CIITA: variants seen among roughly 807,000 people sequenced by gnomAD.
CIITA encodes the protein class II major histocompatibility complex transactivator, also known as MHC class II transactivator.
Under a neutral mutation model 115.1 loss-of-function variants are expected in CIITA, and 72 were observed. The observed-to-expected ratio is 0.63, with a 90% CI of 0.52 to 0.76. CIITA has a LOEUF of 0.76. CIITA is among the 30% of genes least tolerant of loss of function. The probability of loss-of-function intolerance (pLI) is 0.00; values close to 1 mark genes in which losing one functional copy is unlikely to be tolerated. For synonymous variants in CIITA, 763 were observed against 635.6 expected, an observed-to-expected ratio of 1.20 and a Z score of -3.02; for missense variants, 1,617 against 1,463.8, an observed-to-expected ratio of 1.10 and a Z score of -1.71.
At position 10,920,208 on chromosome 16, in the gene CIITA, C is replaced by T. The variant is rs529243307; in HGVS notation, c.3149+1682C>T. On this transcript the variant is annotated intron_variant, in intron 16 of 19. Transcript: ENST00000324288. This position sits in a 1 kb window ranked among gnomAD's most constrained non-coding sequence, Gnocchi z 4.5. ...AGTGTGAATGGAAAAGTAGGTGGGCCTGGGAAGGCGACACTTGATCTGATT... is the reference window on the plus strand; with the variant it reads ...AGTGTGAATGGAAAAGTAGGTGGGCTTGGGAAGGCGACACTTGATCTGATT... Among the ~76,000 whole-genome samples, 69 of 152,142 alleles carry T rather than the reference C, an allele frequency of 4.5e-4. No homozygotes were observed. Among genetic ancestry groups the T allele is most frequent in the Non-Finnish European group, 9.1e-4 (62 of 68,016 alleles).
chr16:10,908,467 C>T (rs373487859), intron 11 of CIITA: 49 of 480,486 alleles, frequency 1.0e-4, no homozygotes, highest in East Asian at 7.8e-4. Flanking sequence ...CCTGAGCACG[C>T]CACCGTTTTC....
chr16:10,866,691 C>T, intron 1 of CIITA: 1 of 382,738 alleles, frequency 2.6e-6, no homozygotes, highest in South Asian at 2.0e-5. Context: ...ATCCAAGTGT[C>T]TAGTGAGCTG....
chr16:10,886,308 C>G (rs1399091282), intron 1 of CIITA, among the ~76,000 whole-genome samples: 2 of 152,130 alleles, frequency 1.3e-5, no homozygotes, highest in African/African-American at 2.4e-5. Context: ...TGCATTTGAT[C>G]TTTGCTTCTA....
At chr16:10,897,535 C>G (rs747892376) in intron 3 of CIITA, among the ~76,000 whole-genome samples, 1 of 152,210 alleles carries the variant, frequency 6.6e-6, no homozygotes, top group Non-Finnish European at 1.5e-5. Flanking sequence ...CAGCTTCACC[C>G]AAGTCTGCTC....
chr16:10,866,436 T>C, intron 1 of CIITA: 1 of 565,776 alleles, frequency 1.8e-6, no homozygotes, highest in Non-Finnish European at 3.5e-6. Context: ...ATGAGCCTGA[T>C]AGTGAGGCTC....
chr16:10,875,682 C>G (rs758951720), upstream of CIITA, among the ~76,000 whole-genome samples: 3 of 151,642 alleles, frequency 2.0e-5, no homozygotes, highest in African/African-American at 4.8e-5. Context: ...TTTTCTTTTT[C>G]TTTAGGAGAG....
intron 1 of CIITA, among the ~76,000 whole-genome samples, chr16:10,890,592 T>C (rs943134171): frequency 9.2e-5 from 14 of 152,202 alleles, no homozygotes; most frequent in African/African-American, 3.4e-4. Context: ...GCCCGGCCTA[T>C]GGGGCCCTTC....
rs1429664949 is a variant in CIITA at position 10,907,412 on chromosome 16, C to T, written c.1920C>T (p.Leu640=). The change falls in exon 11 of 20, where the codon CTC becomes CTT. Residue 640 remains leucine, a synonymous_variant. Transcript: ENST00000324288. This position sits in a 1 kb window ranked among gnomAD's most constrained non-coding sequence, Gnocchi z 5.0. ...AGCTGCCCTCCACGCTCACGGGACT[C>T]TATGTCGGCCTGCTGGGCCGTGCAG... The part of the protein sequence containing the change: ...DAKLPSTLTG[L]YVGLLGRAAL... 7 of 1,613,078 alleles carry T rather than the reference C, an allele frequency of 4.3e-6. No individual in the cohort carries two copies. The Admixed American group carries it at 1.0e-4, about 23-fold the overall frequency.
In CIITA at chr16:10,910,186, A is replaced by G. The variant is rs1395667835; in HGVS notation, c.2817-2A>G. 1.2e-6 allele frequency: 2 copies of G among 1,613,860 alleles called. No homozygotes were observed. Among genetic ancestry groups the G allele is most frequent in the African/African-American group, 1.3e-5 (1 of 75,048 alleles). On this transcript the variant is annotated splice_acceptor_variant, in intron 12 of 19. Coordinates refer to ENST00000324288, the MANE Select transcript of CIITA (RefSeq NM_000246.4). LOFTEE classifies it high-confidence loss of function. ...CCCCCTAACATTGCCTGTTCTCTCCAGGACGAGAAGTTCCTCGGAAGACAC... is the reference window on the plus strand; with the variant it reads ...CCCCCTAACATTGCCTGTTCTCTCCGGGACGAGAAGTTCCTCGGAAGACAC...
chr16:10,889,874 G>A (rs1193054963), intron 1 of CIITA, among the ~76,000 whole-genome samples: 1 of 152,226 alleles, frequency 6.6e-6, no homozygotes, highest in East Asian at 1.9e-4. Flanking sequence ...AGGCATCACA[G>A]CCAGAATTCA....
Position 10,879,652 on chromosome 16 carries a change from C to T in CIITA, c.52+2270C>T, listed in dbSNP as rs1157045438. Among the ~76,000 whole-genome samples the T allele has an allele frequency of 6.6e-6, 1 of 152,134 alleles. No homozygotes were observed. Among genetic ancestry groups the T allele is most frequent in the Non-Finnish European group, 1.5e-5 (1 of 68,006 alleles). ...TTGGGAGGGGTGGGGGAGGGATCCC[C>T]CCGGACTGAACCGATCTCTTGATCT... On this transcript the variant is annotated intron_variant, in intron 1 of 19. Coordinates refer to ENST00000324288, the MANE Select transcript of CIITA (RefSeq NM_000246.4). The surrounding 1 kb of genome is among the most constrained non-coding windows in gnomAD (Gnocchi z 4.3).
chr16:10,872,297 AT>A (rs954405643), upstream of CIITA, among the ~76,000 whole-genome samples: 1 of 151,822 alleles, frequency 6.6e-6, no homozygotes. Context: ...TAATTTTTAT[AT>A]TTTTAGTAGA....
rs1409298129 is a variant in CIITA at position 10,895,601 on chromosome 16, C to G, written c.200-68C>G. ...ATGATCTCCCAGCCCTGCCCCGCCT[C>G]TCCCTCGTTCCCCACCAGCCCTCTT... On this transcript the variant is annotated intron_variant, in intron 2 of 19. Coordinates refer to ENST00000324288, the MANE Select transcript of CIITA (RefSeq NM_000246.4). 3 of 1,597,134 alleles carry G rather than the reference C, an allele frequency of 1.9e-6. No individual in the cohort carries two copies. The African/African-American group carries it at 4.0e-5, about 21-fold the overall frequency.
Position 10,923,675 on chromosome 16 carries a change from A to G in CIITA, c.*23-203A>G, listed in dbSNP as rs1020135530. 6.6e-6 allele frequency among the ~76,000 whole-genome samples: 1 copy of G among 152,180 alleles called. No individual in the cohort carries two copies. Among genetic ancestry groups the G allele is most frequent in the Non-Finnish European group, 1.5e-5 (1 of 67,992 alleles). Reference sequence around the variant, plus strand: ...CCCTGATGCTCCGGGTTTGTCTCAGATGAACTTGCTTGACAAGTCTCCTGC... The same window carrying G: ...CCCTGATGCTCCGGGTTTGTCTCAGGTGAACTTGCTTGACAAGTCTCCTGC... On this transcript the variant is annotated intron_variant, in intron 19 of 19. Transcript: ENST00000324288. The surrounding 1 kb of genome is among the most constrained non-coding windows in gnomAD (Gnocchi z 5.2).
In CIITA at chr16:10,906,704, C is replaced by G; in HGVS notation, c.1212C>G (p.Ala404=). Residue 404 remains alanine (A), a synonymous_variant, in exon 11 of 20, where the codon GCC becomes GCG. Transcript: ENST00000324288. Reference sequence around the variant, plus strand: ...GCCTGGCTGAGGTGCTGTTGGCTGCCAAGGAGCACCGGCGGCCGCGTGAGA... The same window carrying G: ...GCCTGGCTGAGGTGCTGTTGGCTGCGAAGGAGCACCGGCGGCCGCGTGAGA... ...QGGLAEVLLA[A]KEHRRPRETR... The G allele has an allele frequency of 6.2e-7, 1 of 1,612,428 alleles. No individual in the cohort carries two copies. Among genetic ancestry groups the G allele is most frequent in the Non-Finnish European group, 8.5e-7 (1 of 1,179,936 alleles).
At position 10,933,398 on chromosome 16, in the gene CIITA, T is replaced by G. The variant is rs1567463974; in HGVS notation, c.*9543T>G. On this transcript the variant is annotated 3_prime_UTR_variant, in exon 20 of 20. Coordinates refer to ENST00000324288, the MANE Select transcript of CIITA (RefSeq NM_000246.4). ...AAAGTGGTAGAAGGGAATTCTTTCC[T>G]AGAGTTCAGCTGCCCGCTGTCCTGC... 2 of 152,290 alleles carry G rather than the reference T, an allele frequency of 1.3e-5. No individual in the cohort carries two copies. 9.4% of individuals were successfully genotyped at this position (152,290 alleles called of 1,614,324 possible). A position where few individuals can be genotyped will look rare whatever the true frequency, so the allele number is the denominator to read the frequency against.
rs2040975051 is a variant in CIITA, at chr16:10,935,117, G to A, written c.*11262G>A. 1 of 152,268 alleles carries A rather than the reference G, an allele frequency of 6.6e-6. No individual in the cohort carries two copies. The highest frequency in any genetic ancestry group is 6.5e-5 in the Admixed American group (1 of 15,286). The allele number at this position is 152,268 out of a possible 1,614,324, so 9.4% of individuals were successfully genotyped here. A position where few individuals can be genotyped will look rare whatever the true frequency, so the allele number is the denominator to read the frequency against. ...GCTACTATTATCCCTGTTTTACAGA[G>A]AAGGAAACCGAGGCTTAGGAGATGA... is the stretch of plus-strand genomic sequence containing the variant. On this transcript the variant is annotated 3_prime_UTR_variant, in exon 20 of 20. Transcript: ENST00000324288.
chr16:10,886,923 T>C (rs2037008042), intron 1 of CIITA, among the ~76,000 whole-genome samples: 1 of 152,202 alleles, frequency 6.6e-6, no homozygotes, highest in African/African-American at 2.4e-5. Flanking sequence ...TGGGTCTACA[T>C]TGCAAGCCTC....
At chr16:10,889,678 C>G (rs1319160245) in intron 1 of CIITA, among the ~76,000 whole-genome samples, 1 of 152,084 alleles carries the variant, frequency 6.6e-6, no homozygotes, top group Non-Finnish European at 1.5e-5. Context: ...CGCCACCATG[C>G]CTGGCTAATT....
Sources: gnomAD v4.1 joint callset for allele counts (sites outside exome capture counted in the v4.1 genomes callset) on GRCh38, gnomAD v4.1.1 for gene constraint, Gnocchi (gnomAD v3.1) non-coding constraint, MANE v1.5 for transcripts, NCBI Gene and HGNC (gene_info 2026-07-23, HGNC 2026-07-21) for gene names.